Variants in ARHGAP20 observed in about 807,000 individuals in gnomAD.
ARHGAP20 encodes rho GTPase-activating protein 20.
In ARHGAP20, 34 loss-of-function variants were observed where a neutral mutation model predicts 73.7. That is an observed-to-expected ratio of 0.46 (90% CI 0.35 to 0.61). The LOEUF (loss-of-function observed/expected upper bound fraction) is 0.61, where lower values mean the gene tolerates loss of function less well. ARHGAP20 is among the 20% of genes least tolerant of loss of function. The pLI is 0.00. For synonymous variants in ARHGAP20, 523 were observed against 518.2 expected (o/e 1.01, Z -0.13); for missense variants, 1,314 against 1,420.9 (o/e 0.92, Z 1.21).
intron 2 of ARHGAP20, among the ~76,000 whole-genome samples, chr11:110,673,382 C>T (rs1435781910): frequency 6.6e-6 from 1 of 151,986 alleles, no homozygotes; most frequent in Non-Finnish European, 1.5e-5. Flanking sequence ...ATAGAGTACT[C>T]ATAAAAACTT....
chr11:110,624,223 T>C lies in ARHGAP20; in HGVS notation c.442A>G (p.Thr148Ala). The change falls in exon 4 of 15, where the codon ACC becomes GCC. Residue 148 changes from threonine to alanine, a missense_variant. By Grantham distance (58) the Thr-to-Ala change is moderately conservative. Transcript: ENST00000683387. ...SCVDEVGEGN[T>A]NAMKSFVLGW... ...AAAACAAAGGATTTCATGGCATTGG[T>C]GTTGCCTTCTCCCACTTCATCCACA... 6.2e-7 allele frequency: 1 copy of C among 1,613,394 alleles called. No homozygotes were observed. Among genetic ancestry groups the C allele is most frequent in the Non-Finnish European group, 8.5e-7 (1 of 1,179,824 alleles).
intron 2 of ARHGAP20, among the ~76,000 whole-genome samples, chr11:110,682,129 C>T (rs1168797189): frequency 6.6e-6 from 1 of 152,180 alleles, no homozygotes; most frequent in Admixed American, 6.6e-5. Context: ...ATAAATTTAA[C>T]ATTAGACTCT....
At chr11:110,632,194 T>C (rs1224144370) in intron 2 of ARHGAP20, among the ~76,000 whole-genome samples, 1 of 152,174 alleles carries the variant, frequency 6.6e-6, no homozygotes, top group African/African-American at 2.4e-5. Flanking sequence ...CTTGGGTAAA[T>C]ACCTCAGAGT....
intron 1 of ARHGAP20, among the ~76,000 whole-genome samples, chr11:110,710,362 C>G (rs947886593): frequency 4.0e-5 from 6 of 151,564 alleles, no homozygotes; most frequent in Admixed American, 3.9e-4. Flanking sequence ...ATTTATTGGA[C>G]AAGTATTACT....
chr11:110,662,925 T>C (rs947391307), intron 2 of ARHGAP20, among the ~76,000 whole-genome samples: 4 of 151,974 alleles, frequency 2.6e-5, no homozygotes, highest in African/African-American at 9.7e-5. Flanking sequence ...CATCTTGTCA[T>C]ATTAAAAATA....
At chr11:110,597,421 T>C (rs1238796135) in intron 9 of ARHGAP20, among the ~76,000 whole-genome samples, 1 of 152,084 alleles carries the variant, frequency 6.6e-6, no homozygotes, top group East Asian at 1.9e-4. Flanking sequence ...ATTTAATATA[T>C]ATGTGAATAT....
intron 9 of ARHGAP20, among the ~76,000 whole-genome samples, chr11:110,603,547 G>C (rs1417928528): frequency 6.6e-6 from 1 of 152,164 alleles, no homozygotes; most frequent in Non-Finnish European, 1.5e-5. Flanking sequence ...GCAAGATCTT[G>C]ATTCACATAC....
intron 3 of ARHGAP20, among the ~76,000 whole-genome samples, chr11:110,628,815 A>C (rs1033803206): frequency 6.6e-6 from 1 of 152,180 alleles, no homozygotes; most frequent in Non-Finnish European, 1.5e-5. Flanking sequence ...CAAAATAAAA[A>C]GTCAGCTACA....
chr11:110,658,780 A>ATTGTT (rs60691263), intron 2 of ARHGAP20, among the ~76,000 whole-genome samples: 2 of 151,148 alleles, frequency 1.3e-5, no homozygotes, highest in Admixed American at 6.6e-5. Context: ...GTTGTTATTT[A>ATTGTT]TTGTTTTGTT....
At chr11:110,606,835 T>C in intron 8 of ARHGAP20, 86 bp from the exon 9 acceptor site, 1 of 1,171,462 alleles carries the variant, frequency 8.5e-7, no homozygotes, top group South Asian at 2.1e-5. Context: ...TACTGCAATT[T>C]ACTCCTGGGA....
rs561956986 is a variant in ARHGAP20, at chr11:110,631,021, C to T, written c.189-229G>A. ...TATATGTATCTCAATATAGATTCTA[C>T]CATTAGTATTTTACTATACTTGCTT... On this transcript the variant is annotated intron_variant, in intron 2 of 14. Transcript: ENST00000683387. Among the ~76,000 whole-genome samples, 23 of 152,130 alleles carry T rather than the reference C, an allele frequency of 1.5e-4. No homozygotes were observed. In the South Asian group the frequency reaches 4.8e-3, roughly 32 times the overall value.
At position 110,580,951 on chromosome 11, in the gene ARHGAP20, G is replaced by A. The variant is rs1565418403; in HGVS notation, c.1995C>T (p.Tyr665=). 6.2e-7 allele frequency: 1 copy of A among 1,614,022 alleles called. No homozygotes were observed. Among genetic ancestry groups the A allele is most frequent in the Non-Finnish European group, 8.5e-7 (1 of 1,180,026 alleles). The change falls in exon 15 of 15, where the codon TAC becomes TAT. Residue 665 remains tyrosine (Y), a synonymous_variant. Transcript: ENST00000683387. ...CATGATCCCGCAGTGGGATCTTTGT[G>A]TACACTAAAATGTTCACCGGCTTGG... ...LESKPVNILV[Y]TKIPLRDHAR... is the part of the protein sequence containing the mutation.
At chr11:110,693,048 A>G in intron 1 of ARHGAP20, among the ~76,000 whole-genome samples, 1 of 152,060 alleles carries the variant, frequency 6.6e-6, no homozygotes, top group East Asian at 1.9e-4. Context: ...ATGGATAATC[A>G]AAGAAGGGTG....
At chr11:110,599,788 T>C (rs1261796698) in intron 9 of ARHGAP20, among the ~76,000 whole-genome samples, 2 of 152,162 alleles carry the variant, frequency 1.3e-5, no homozygotes, top group Admixed American at 6.5e-5. Flanking sequence ...CAGGGCCTCC[T>C]TTCTGCTGAC....
At chr11:110,599,986 A>G (rs1467899804) in intron 9 of ARHGAP20, among the ~76,000 whole-genome samples, 1 of 152,132 alleles carries the variant, frequency 6.6e-6, no homozygotes, top group Non-Finnish European at 1.5e-5. Context: ...GGAGCTGAAC[A>G]CTTGATGGGG....
intron 2 of ARHGAP20, among the ~76,000 whole-genome samples, chr11:110,648,484 A>AT (rs34339794): frequency 0.16 from 20,688 of 131,418 alleles, 2,043 homozygotes; most frequent in East Asian, 0.3. Flanking sequence ...CATAACATGA[A>AT]TTTTTTTTTT....
intron 1 of ARHGAP20, among the ~76,000 whole-genome samples, chr11:110,699,220 G>C (rs1257963236): frequency 1.3e-5 from 2 of 151,872 alleles, no homozygotes; most frequent in African/African-American, 4.8e-5. Context: ...GTTTATGAGA[G>C]TTCCTCTTGG....
chr11:110,630,873 T>G, intron 2 of ARHGAP20, 81 bp from the exon 3 acceptor site: 1 of 1,444,422 alleles, frequency 6.9e-7, no homozygotes, highest in South Asian at 1.3e-5. Context: ...GTAATTTTTT[T>G]TAATACAATG....
intron 1 of ARHGAP20, among the ~76,000 whole-genome samples, chr11:110,691,367 A>G (rs1474116460): frequency 6.7e-6 from 1 of 150,002 alleles, no homozygotes; most frequent in Non-Finnish European, 1.5e-5. Flanking sequence ...TTAACCATAT[A>G]TAGTCACAAA....
Sources: allele counts gnomAD v4.1 joint callset (sites outside exome capture counted in the v4.1 genomes callset), GRCh38; gene constraint gnomAD v4.1.1; transcripts MANE v1.5; gene names NCBI Gene and HGNC (gene_info 2026-07-23, HGNC 2026-07-21).